TNFRSF25: variants seen among roughly 807,000 people sequenced by gnomAD.
TNFRSF25 encodes TNF receptor superfamily member 25, also known as tumor necrosis factor receptor superfamily member 25.
In TNFRSF25, 28 loss-of-function variants were observed where a neutral mutation model predicts 49.4. The observed-to-expected ratio is 0.57, with a 90% CI of 0.42 to 0.78. The LOEUF (loss-of-function observed/expected upper bound fraction) is 0.78, where lower values mean the gene tolerates loss of function less well. Among genes scored for constraint, TNFRSF25 ranks in the 30% least tolerant of loss-of-function variants. The pLI, the probability that TNFRSF25 is intolerant of heterozygous loss-of-function variation, is 0.00. For missense variants in TNFRSF25, 531 were observed against 581.6 expected, an observed-to-expected ratio of 0.91 and a Z score of 0.90; for synonymous variants, 240 against 234.2, an observed-to-expected ratio of 1.02 and a Z score of -0.23.
intron 3 of TNFRSF25, 152 bp downstream of exon 3, chr1:6,464,936 G>T: frequency 7.6e-7 from 1 of 1,315,514 alleles, no homozygotes; most frequent in Non-Finnish European, 1.0e-6. Flanking sequence ...AGAGAGAAGG[G>T]GCAAGGGCAC....
Position 6,461,219 on chromosome 1 carries a change from T to C in TNFRSF25, c.*215A>G, listed in dbSNP as rs989618766. On this transcript the variant is annotated 3_prime_UTR_variant, in exon 10 of 10. Transcript: ENST00000356876. This position sits in a 1 kb window ranked among gnomAD's most constrained non-coding sequence, Gnocchi z 6.3. ...TCTCAGCCAAACTCCGGCCGAGAAG[T>C]TGAGAAATGTCTTCACCCCCTCTCG... The C allele has an allele frequency of 2.7e-6, 2 of 732,514 alleles. No individual in the cohort carries two copies. The highest frequency in any genetic ancestry group is 5.0e-6 in the Non-Finnish European group (2 of 400,450). 45.4% of individuals were successfully genotyped at this position (732,514 alleles called of 1,614,324 possible).
At chr1:6,464,940 A>T (rs927009081) in intron 3 of TNFRSF25, 148 bp downstream of exon 3, 84 of 1,324,112 alleles carry the variant, frequency 6.3e-5, no homozygotes, top group Non-Finnish European at 8.3e-5. Flanking sequence ...AGAAGGGGCA[A>T]GGGCACCCTG....
Position 6,462,456 on chromosome 1 carries a change from C to A in TNFRSF25, c.744+173G>T. 6.9e-7 allele frequency: 1 copy of A among 1,445,240 alleles called. No homozygotes were observed. 89.5% of individuals were successfully genotyped at this position (1,445,240 alleles called of 1,614,324 possible). ...CGAATCTGAACTCCAGCTGACTGAG[C>A]ACCCCTTGAGGGCAGGCACTGTGCT... On this transcript the variant is annotated intron_variant, in intron 8 of 9. Transcript: ENST00000356876. This position sits in a 1 kb window ranked among gnomAD's most constrained non-coding sequence, Gnocchi z 4.2.
chr1:6,461,172 T>G lies in TNFRSF25; in HGVS notation c.*262A>C. The G allele has an allele frequency of 2.9e-6, 2 of 700,950 alleles. No individual in the cohort carries two copies. The highest frequency in any genetic ancestry group is 5.3e-6 in the Non-Finnish European group (2 of 375,766). 43.4% of individuals were successfully genotyped at this position (700,950 alleles called of 1,614,324 possible). On this transcript the variant is annotated 3_prime_UTR_variant, in exon 10 of 10. Coordinates refer to ENST00000356876, the MANE Select transcript of TNFRSF25 (RefSeq NM_003790.3). The surrounding 1 kb of genome is among the most constrained non-coding windows in gnomAD (Gnocchi z 6.3). ...GCCGTTTTTGTTTTGTTTTGTTTTC[T>G]TTCACAGATTTAATACCGCGATCTC...
In TNFRSF25 at chr1:6,461,535, G is replaced by T. The variant is rs1360288958; in HGVS notation, c.1153C>A (p.Gln385Lys). The change falls in exon 10 of 10, where the codon CAG becomes AAG. Residue 385 changes from glutamine to lysine, a missense_variant. By Grantham distance (53) the Gln-to-Lys change is moderately conservative. Coordinates refer to ENST00000356876, the MANE Select transcript of TNFRSF25 (RefSeq NM_003790.3). The surrounding 1 kb of genome is among the most constrained non-coding windows in gnomAD (Gnocchi z 6.3). The part of the protein sequence containing the change: ...QYEMLKRWRQ[Q>K]QPAGLGAVYA... ...ACGGCTCCGAGGCCCGCGGGCTGCT[G>T]CTGGCGCCAGCGCTTGAGCATCTCG... The T allele has an allele frequency of 1.2e-6, 2 of 1,607,650 alleles. No homozygotes were observed. Among genetic ancestry groups the T allele is most frequent in the Non-Finnish European group, 1.7e-6 (2 of 1,178,826 alleles).
In TNFRSF25 at chr1:6,465,190, A is replaced by G. The variant is rs1360080588; in HGVS notation, c.193T>C (p.Cys65Arg). Residue 65 changes from cysteine to arginine, a missense_variant, in exon 3 of 10, where the codon TGC becomes CGC. Physicochemically the swap from Cys to Arg is radical, Grantham distance 180. Transcript: ENST00000356876. ...CACACAAGGCAGGTGGAGTTGCCGC[A>G]GGGCTCCGTGCAAGGGGCCTTCAGG... Reference protein sequence around the residue: ...HYLKAPCTEPCGNSTCLVCPQ... With the variant: ...HYLKAPCTEPRGNSTCLVCPQ... 2 of 1,613,166 alleles carry G rather than the reference A, an allele frequency of 1.2e-6. No individual in the cohort carries two copies. The highest frequency in any genetic ancestry group is 1.3e-5 in the African/African-American group (1 of 75,028).
In TNFRSF25 at chr1:6,466,171, T is replaced by C; in HGVS notation, c.-64A>G. 7.4e-7 allele frequency: 1 copy of C among 1,344,860 alleles called. No homozygotes were observed. The highest frequency in any genetic ancestry group is 1.9e-5 in the South Asian group (1 of 53,144). The allele number at this position is 1,344,860 out of a possible 1,614,324, so 83.3% of individuals were successfully genotyped here. A position where few individuals can be genotyped will look rare whatever the true frequency, so the allele number is the denominator to read the frequency against. On this transcript the variant is annotated 5_prime_UTR_variant, in exon 1 of 10. Coordinates refer to ENST00000356876, the MANE Select transcript of TNFRSF25 (RefSeq NM_003790.3). ...GCTCTCTGCCCGTCGTGGTTCCGCC[T>C]TCAGCCCCGCGCCCGCAGGGCCCGC...
intron 5 of TNFRSF25, 164 bp from the exon 6 acceptor site, chr1:6,463,291 A>G: frequency 1.5e-6 from 1 of 663,310 alleles, no homozygotes; most frequent in Non-Finnish European, 2.6e-6. Flanking sequence ...AACCACAGAC[A>G]CTATTCACTG....
Position 6,463,145 on chromosome 1 carries a change from G to A in TNFRSF25, c.543-18C>T. The A allele has an allele frequency of 6.5e-7, 1 of 1,550,332 alleles. No individual in the cohort carries two copies. Among genetic ancestry groups the A allele is most frequent in the Non-Finnish European group, 8.7e-7 (1 of 1,146,240 alleles). On this transcript the variant is annotated intron_variant, in intron 5 of 9. Transcript: ENST00000356876. ...GGGTGCTCCTGCAAGGGACGGGGGTGGCCTGAGGGATGAGGGGGTGCATGC... is the reference window on the plus strand; with the variant it reads ...GGGTGCTCCTGCAAGGGACGGGGGTAGCCTGAGGGATGAGGGGGTGCATGC...
Position 6,464,689 on chromosome 1 carries a change from G to A in TNFRSF25, c.326C>T (p.Ala109Val). 2 of 1,613,916 alleles carry A rather than the reference G, an allele frequency of 1.2e-6. No individual in the cohort carries two copies. The highest frequency in any genetic ancestry group is 8.5e-7 in the Non-Finnish European group (1 of 1,180,002). ...ASQVALENCS[A>V]VADTRCGCKP... is the part of the protein sequence containing the mutation. ...ACAGCCACAGCGGGTGTCGGCCACTGCTGAACAGTTCTCCAGCGCCACCTG... is the reference window on the plus strand; with the variant it reads ...ACAGCCACAGCGGGTGTCGGCCACTACTGAACAGTTCTCCAGCGCCACCTG... The change falls in exon 4 of 10, where the codon GCA becomes GTA. Residue 109 changes from alanine to valine, a missense_variant. Transcript: ENST00000356876.
Position 6,465,079 on chromosome 1 carries a change from G to A in TNFRSF25, c.295+9C>T. The stretch of plus-strand genomic sequence containing the variant: ...GGAACTCCCTGCCAAGCACTGAGAA[G>A]CCCCTCACCCTGCTCATCACAGGCC... On this transcript the variant is annotated intron_variant, in intron 3 of 9. Coordinates refer to ENST00000356876, the MANE Select transcript of TNFRSF25 (RefSeq NM_003790.3). 6.2e-7 allele frequency: 1 copy of A among 1,608,640 alleles called. No individual in the cohort carries two copies. The highest frequency in any genetic ancestry group is 1.1e-5 in the South Asian group (1 of 90,216).
chr1:6,465,929 G>A, intron 1 of TNFRSF25, 140 bp downstream of exon 1: 2 of 1,450,980 alleles, frequency 1.4e-6, no homozygotes, highest in South Asian at 1.4e-5. Context: ...CCCTGGAGGA[G>A]CCTTTAACGA....
intron 1 of TNFRSF25, 46 bp downstream of exon 1, chr1:6,466,023 G>C (rs1369836985): frequency 1.3e-6 from 2 of 1,555,478 alleles, no homozygotes; most frequent in Non-Finnish European, 8.7e-7. Flanking sequence ...CGAGGCTCTT[G>C]GGACAGGGCT....
chr1:6,465,762 T>A, intron 1 of TNFRSF25: 1 of 1,426,296 alleles, frequency 7.0e-7, no homozygotes, highest in Non-Finnish European at 9.1e-7. Flanking sequence ...AGGGGGCGCT[T>A]ACCAGCCCCT....
Position 6,464,417 on chromosome 1 carries a change from G to T in TNFRSF25, c.500C>A (p.Pro167His), listed in dbSNP as rs1274301879. 2.5e-6 allele frequency: 4 copies of T among 1,611,906 alleles called. No individual in the cohort carries two copies. Among genetic ancestry groups the T allele is most frequent in the Non-Finnish European group, 3.4e-6 (4 of 1,179,276 alleles). The change falls in exon 5 of 10, where the codon CCT becomes CAT. Residue 167 changes from proline to histidine, a missense_variant. Transcript: ENST00000356876. ...RRDTDCGTCL[P>H]GFYEHGDGCV... ...GCCATCGCCATGTTCATAGAAGCCA[G>T]GCAGGCAGGTCCCACAGTCAGTATC...
Position 6,465,926 on chromosome 1 carries a change from G to A in TNFRSF25, c.39+143C>T, listed in dbSNP as rs1226918383. On this transcript the variant is annotated intron_variant, in intron 1 of 9. Transcript: ENST00000356876. Reference sequence around the variant, plus strand: ...CTCAGTGGAAGGGCTACGCCCTGGAGGAGCCTTTAACGAGATCGGAAAGGG... The same window carrying A: ...CTCAGTGGAAGGGCTACGCCCTGGAAGAGCCTTTAACGAGATCGGAAAGGG... The A allele has an allele frequency of 7.6e-6, 11 of 1,447,706 alleles. 1 individual carries two copies. Among genetic ancestry groups the A allele is most frequent in the South Asian group, 7.1e-5 (5 of 70,230 alleles). The allele number at this position is 1,447,706 out of a possible 1,614,324, so 89.7% of individuals were successfully genotyped here. A position where few individuals can be genotyped will look rare whatever the true frequency, so the allele number is the denominator to read the frequency against.
At position 6,462,755 on chromosome 1, in the gene TNFRSF25, C is replaced by T. The variant is rs1388269464; in HGVS notation, c.707-89G>A. ...CAGCTCCTCTAGGGTTCCTCTGCAC[C>T]CCACACTCCCTGCCTCAGTTTCCCC... On this transcript the variant is annotated intron_variant, in intron 7 of 9. Transcript: ENST00000356876. The surrounding 1 kb of genome is among the most constrained non-coding windows in gnomAD (Gnocchi z 4.2). 6 of 1,580,854 alleles carry T rather than the reference C, an allele frequency of 3.8e-6. No homozygotes were observed. The highest frequency in any genetic ancestry group is 1.3e-5 in the African/African-American group (1 of 74,156).
chr1:6,464,212 G>A, intron 5 of TNFRSF25, 163 bp downstream of exon 5: 2 of 1,474,642 alleles, frequency 1.4e-6, no homozygotes, highest in Non-Finnish European at 1.8e-6. Flanking sequence ...TTGCTCTTTT[G>A]CCATCTAAGT....
chr1:6,461,634 G>C lies in TNFRSF25; in HGVS notation c.1054C>G (p.Arg352Gly). Residue 352 changes from arginine to glycine, a missense_variant, in exon 10 of 10, where the codon CGC (arginine) becomes GGC (glycine). Coordinates refer to ENST00000356876, the MANE Select transcript of TNFRSF25 (RefSeq NM_003790.3). The surrounding 1 kb of genome is among the most constrained non-coding windows in gnomAD (Gnocchi z 6.3). ...VPARRWKEFV[R>G]TLGLREAEIE... ...TCTGCCTCGCGCAGCCCCAGCGTGC[G>C]CACGAACTCCTTCCAGCGCCGCGCT... 6.2e-7 allele frequency: 1 copy of C among 1,607,736 alleles called. No homozygotes were observed. The highest frequency in any genetic ancestry group is 1.7e-5 in the Admixed American group (1 of 59,894).
Sources: allele counts gnomAD v4.1 joint callset, GRCh38; gene constraint gnomAD v4.1.1; non-coding constraint Gnocchi (gnomAD v3.1); transcripts MANE v1.5; gene names NCBI Gene and HGNC (gene_info 2026-07-23, HGNC 2026-07-21).